LRPPRC: variants seen among roughly 807,000 people sequenced by gnomAD.
The protein encoded by LRPPRC is leucine-rich PPR motif-containing protein, mitochondrial.
In LRPPRC, 120 loss-of-function variants were observed where a neutral mutation model predicts 180.3. The ratio of observed to expected loss-of-function variants is 0.67; its 90% CI spans 0.57 to 0.77. The LOEUF is 0.77. Ranked by LOEUF, LRPPRC falls within the 30% of genes least tolerant of loss-of-function variation. The pLI, the probability that LRPPRC is intolerant of heterozygous loss-of-function variation, is 0.00. For synonymous variants in LRPPRC, 723 were observed against 600.0 expected (o/e 1.21, Z -3.00); for missense variants, 2,012 against 1,657.2 (o/e 1.21, Z -3.72).
intron 14 of LRPPRC, among the ~76,000 whole-genome samples, chr2:43,952,561 G>C (rs1175734387): frequency 6.6e-6 from 1 of 152,074 alleles, no homozygotes; most frequent in African/African-American, 2.4e-5. Flanking sequence ...TGGAATTTCT[G>C]TTGTTGTTAG....
intron 1 of LRPPRC, among the ~76,000 whole-genome samples, chr2:43,991,133 C>G (rs1389259599): frequency 6.6e-6 from 1 of 151,676 alleles, no homozygotes; most frequent in Non-Finnish European, 1.5e-5. Flanking sequence ...AGGTTCATGC[C>G]ATTCTCCCAC....
chr2:43,905,246 A>C (rs1276734876), intron 31 of LRPPRC, among the ~76,000 whole-genome samples: 1 of 152,220 alleles, frequency 6.6e-6, no homozygotes, highest in Non-Finnish European at 1.5e-5. Context: ...TTTAACACTC[A>C]ATTTAACTGA....
intron 11 of LRPPRC, among the ~76,000 whole-genome samples, chr2:43,969,184 G>C (rs1314853588): frequency 6.6e-6 from 1 of 152,080 alleles, no homozygotes; most frequent in Non-Finnish European, 1.5e-5. Context: ...AGGCCGAGGC[G>C]GGTGGATCAC....
At chr2:43,931,317 C>T (rs1672079819) in intron 25 of LRPPRC, among the ~76,000 whole-genome samples, 1 of 152,124 alleles carries the variant, frequency 6.6e-6, no homozygotes, top group South Asian at 2.1e-4. Flanking sequence ...GAGGATGTAT[C>T]TGCAGAAGAG....
intron 32 of LRPPRC, 170 bp from the exon 33 acceptor site, chr2:43,899,775 A>AT: frequency 1.7e-6 from 1 of 601,928 alleles, no homozygotes; most frequent in South Asian, 2.0e-5. Context: ...CCTGAATCAC[A>AT]TTTAAGTAGC....
chr2:43,948,144 T>C lies in LRPPRC; in HGVS notation c.1898A>G (p.Tyr633Cys), dbSNP rs747722836. Residue 633 changes from tyrosine (Y) to cysteine (C), a missense_variant, in exon 18 of 38, where the codon TAC becomes TGC. Transcript: ENST00000260665. The part of the protein sequence containing the change: ...YRGIRNLLES[Y>C]HVPELIKDAH... ...CACCTTAATCAATTCAGGAACATGG[T>C]AGCTTTCCAGGAGATTACGAATGCC... 5 of 1,603,854 alleles carry C rather than the reference T, an allele frequency of 3.1e-6. 1 individual carries two copies. In the South Asian group the frequency reaches 4.4e-5, roughly 14 times the overall value.
rs1266345519 is a variant in LRPPRC, at chr2:43,894,578, C to A, written c.3952G>T (p.Glu1318Ter). The A allele has an allele frequency of 6.4e-7, 1 of 1,568,382 alleles. No homozygotes were observed. The highest frequency in any genetic ancestry group is 8.8e-7 in the Non-Finnish European group (1 of 1,138,742). The change falls in exon 36 of 38, where the codon GAA (glutamate) becomes TAA (stop). Residue 1318 changes from glutamate (E) to a stop codon, truncating the protein, a stop_gained. Transcript: ENST00000260665. LOFTEE classifies it high-confidence loss of function. ...LELIPELNEK[E>*]EAYNSLMKSY... ...TTCATGAGGGAATTGTATGCTTCTT[C>A]CTTTTCATTTAATTCAGGAATCAAT... is the stretch of plus-strand genomic sequence containing the variant.
chr2:43,923,191 A>AAG (rs1178296988), intron 27 of LRPPRC, among the ~76,000 whole-genome samples: 1 of 151,248 alleles, frequency 6.6e-6, no homozygotes, highest in Non-Finnish European at 1.5e-5. Flanking sequence ...AAAAAAAAAA[A>AAG]AAAAAGGCCA....
intron 16 of LRPPRC, among the ~76,000 whole-genome samples, chr2:43,948,967 A>G (rs750981678): frequency 2.4e-4 from 37 of 152,200 alleles, no homozygotes; most frequent in Non-Finnish European, 4.3e-4. Flanking sequence ...AAACAATTTT[A>G]ATAAGCAGAT....
chr2:43,973,562 C>T (rs1673911703), intron 11 of LRPPRC, 45 bp downstream of exon 11: 2 of 1,227,632 alleles, frequency 1.6e-6, no homozygotes, highest in Non-Finnish European at 1.2e-6. Flanking sequence ...AACTGTCATA[C>T]TGGCTCTGGG....
At position 43,957,402 on chromosome 2, in the gene LRPPRC, T is replaced by A. The variant is rs201446728; in HGVS notation, c.1632A>T (p.Leu544=). Residue 544 remains leucine, a synonymous_variant, in exon 14 of 38, where the codon CTA becomes CTT. Coordinates refer to ENST00000260665, the MANE Select transcript of LRPPRC (RefSeq NM_133259.4). ...PISLQSIRSS[L]LLGFRRSMNI... is the part of the protein sequence containing the mutation. ...CATCTTACCTCCTGAAGCCTAGCAGTAGGCTACTTCTTATAGACTGCAGCG... is the reference window on the plus strand; with the variant it reads ...CATCTTACCTCCTGAAGCCTAGCAGAAGGCTACTTCTTATAGACTGCAGCG... 1.8e-5 allele frequency: 29 copies of A among 1,612,832 alleles called. No homozygotes were observed. The highest frequency in any genetic ancestry group is 2.0e-5 in the Non-Finnish European group (24 of 1,178,854).
intron 27 of LRPPRC, among the ~76,000 whole-genome samples, chr2:43,921,842 A>T (rs895563259): frequency 1.3e-5 from 2 of 152,250 alleles, no homozygotes; most frequent in Non-Finnish European, 2.9e-5. Flanking sequence ...TATATGAATC[A>T]TTACTGAGAC....
At chr2:43,971,749 G>A (rs184224662) in intron 11 of LRPPRC, among the ~76,000 whole-genome samples, 4 of 152,000 alleles carry the variant, frequency 2.6e-5, no homozygotes, top group Admixed American at 1.3e-4. Context: ...TAATAAGAAT[G>A]TTACTTTCTT....
At chr2:43,907,359 A>G (rs1277525820) in intron 30 of LRPPRC, among the ~76,000 whole-genome samples, 1 of 152,228 alleles carries the variant, frequency 6.6e-6, no homozygotes, top group Non-Finnish European at 1.5e-5. Flanking sequence ...AAAGGAAAAA[A>G]TTTTAAAAAG....
At position 43,948,104 on chromosome 2, in the gene LRPPRC, T is replaced by C. The variant is rs763286838; in HGVS notation, c.1920+18A>G. 35 of 1,472,560 alleles carry C rather than the reference T, an allele frequency of 2.4e-5. No individual in the cohort carries two copies. Among genetic ancestry groups the C allele is most frequent in the Non-Finnish European group, 2.9e-5 (30 of 1,051,846 alleles). 91.2% of individuals were successfully genotyped at this position (1,472,560 alleles called of 1,614,324 possible). On this transcript the variant is annotated intron_variant, in intron 18 of 37. Coordinates refer to ENST00000260665, the MANE Select transcript of LRPPRC (RefSeq NM_133259.4). The stretch of plus-strand genomic sequence containing the variant: ...TAAGTTAAGCATTTTATCCAGTTGA[T>C]TGCTATTTCACACACACCTTAATCA...
intron 24 of LRPPRC, 61 bp from the exon 25 acceptor site, chr2:43,934,357 C>T: frequency 3.9e-6 from 3 of 770,880 alleles, no homozygotes; most frequent in Non-Finnish European, 4.4e-6. Context: ...AAAACAGTAT[C>T]ATATGAAGTT....
At position 43,973,900 on chromosome 2, in the gene LRPPRC, G is replaced by T. The variant is rs762287853; in HGVS notation, c.1156C>A (p.Pro386Thr). Residue 386 changes from proline to threonine, a missense_variant and splice_region_variant, in exon 10 of 38, where the codon CCT becomes ACT. Transcript: ENST00000260665. The stretch of plus-strand genomic sequence containing the variant: ...CAGTAGTCTGTTAGCTTCTCCACAG[G>T]CTGTGGGAAAAAAGTCACCACATTA... ...FLQHCVTMNT[P>T]VEKLTDYCKK... is the part of the protein sequence containing the mutation. 1.5e-5 allele frequency: 23 copies of T among 1,581,032 alleles called. No homozygotes were observed. The highest frequency in any genetic ancestry group is 1.7e-5 in the Non-Finnish European group (20 of 1,150,410).
intron 29 of LRPPRC, among the ~76,000 whole-genome samples, chr2:43,916,060 T>C (rs947227257): frequency 2.6e-5 from 4 of 152,208 alleles, no homozygotes; most frequent in African/African-American, 9.6e-5. Context: ...CCTGCAAGCC[T>C]GGCCAAACCT....
intron 35 of LRPPRC, 103 bp from the exon 36 acceptor site, chr2:43,894,732 A>G (rs1360410607): frequency 2.8e-6 from 2 of 714,864 alleles, no homozygotes; most frequent in African/African-American, 3.5e-5. Context: ...AATAATTATA[A>G]CAGAACTACC....
Sources: gnomAD v4.1 joint callset for allele counts (sites outside exome capture counted in the v4.1 genomes callset) on GRCh38, gnomAD v4.1.1 for gene constraint, MANE v1.5 for transcripts, NCBI Gene and HGNC (gene_info 2026-07-23, HGNC 2026-07-21) for gene names.